The following BRD3 variants were observed in gnomAD, a reference collection of about 807,000 sequenced individuals.
The protein encoded by BRD3 is bromodomain containing 3.
Under a neutral mutation model 66.8 loss-of-function variants are expected in BRD3, and 17 were observed. The observed-to-expected ratio is 0.25, with a 90% CI of 0.17 to 0.38. The LOEUF is 0.38. Ranked by LOEUF, BRD3 falls within the 10% of genes least tolerant of loss-of-function variation. The pLI, the probability that BRD3 is intolerant of heterozygous loss-of-function variation, is 1.00. For missense variants in BRD3, 713 were observed against 956.1 expected (o/e 0.75, Z 3.35); for synonymous variants, 421 against 393.2 (o/e 1.07, Z -0.84).
chr9:134,041,402 A>G (rs971705474), intron 8 of BRD3, among the ~76,000 whole-genome samples: 2 of 152,116 alleles, frequency 1.3e-5, no homozygotes, highest in African/African-American at 4.8e-5. Context: ...CCCCACTGCA[A>G]GTGACTGCTT....
chr9:134,058,685 C>T (rs1185522038), intron 1 of BRD3: 3 of 152,288 alleles, frequency 2.0e-5, no homozygotes, highest in African/African-American at 4.8e-5. Flanking sequence ...TCTGAGATGA[C>T]ATCCCAAATC....
At chr9:134,058,211 C>T (rs1323274643) in intron 1 of BRD3, 1 of 152,284 alleles carries the variant, frequency 6.6e-6, no homozygotes, top group African/African-American at 2.4e-5. Flanking sequence ...CAAGGACATT[C>T]TGGGGGCCGG....
chr9:134,035,334 G>A (rs750995606), intron 10 of BRD3, among the ~76,000 whole-genome samples: 1 of 152,164 alleles, frequency 6.6e-6, no homozygotes, highest in East Asian at 1.9e-4. Flanking sequence ...CCAGGAAAAG[G>A]AGCAAGTGAG....
chr9:134,030,963 G>C lies in BRD3; in HGVS notation c.*2627C>G. ...AGTGGGACAATCTAATTGAATCACC[G>C]CAGCCTTCTAATACAGAAGAAACGG... On this transcript the variant is annotated 3_prime_UTR_variant, in exon 12 of 12. Coordinates refer to ENST00000303407, the MANE Select transcript of BRD3 (RefSeq NM_007371.4). 1 of 230,556 alleles carries C rather than the reference G, an allele frequency of 4.3e-6. No individual in the cohort carries two copies. The highest frequency in any genetic ancestry group is 1.8e-4 in the South Asian group (1 of 5,496). 14.3% of individuals were successfully genotyped at this position (230,556 alleles called of 1,614,324 possible). A position where few individuals can be genotyped will look rare whatever the true frequency, so the allele number is the denominator to read the frequency against.
At chr9:134,036,011 C>G (rs758136454) in intron 10 of BRD3, 21 bp downstream of exon 10, 2 of 1,570,192 alleles carry the variant, frequency 1.3e-6, no homozygotes, top group East Asian at 2.2e-5. Context: ...TCAAGCACCA[C>G]GCTCCACGCA....
chr9:134,045,210 A>C lies in BRD3; in HGVS notation c.1215+83T>G. 1 of 1,559,946 alleles carries C rather than the reference A, an allele frequency of 6.4e-7. No individual in the cohort carries two copies. The highest frequency in any genetic ancestry group is 8.7e-7 in the Non-Finnish European group (1 of 1,145,840). ...TAAGGCCTTCCTCGGCTGGACATTC[A>C]CCTGGGCGCTTACCCCACACTGAGG... On this transcript the variant is annotated intron_variant, in intron 7 of 11. Transcript: ENST00000303407. The surrounding 1 kb of genome is among the most constrained non-coding windows in gnomAD (Gnocchi z 4.8).
chr9:134,059,080 G>C (rs1380323764), intron 1 of BRD3, among the ~76,000 whole-genome samples: 1 of 152,252 alleles, frequency 6.6e-6, no homozygotes, highest in Non-Finnish European at 1.5e-5. Context: ...TCTTTCAAAA[G>C]TCCTCATCTT....
At chr9:134,061,628 C>T (rs1460639369) in intron 1 of BRD3, among the ~76,000 whole-genome samples, 1 of 152,206 alleles carries the variant, frequency 6.6e-6, no homozygotes, top group Non-Finnish European at 1.5e-5. Context: ...TGGATGGCCC[C>T]CACTGGGGCA....
rs1187767603 is a variant in BRD3, at chr9:134,032,327, T to C, written c.*1263A>G. The C allele has an allele frequency of 9.2e-6, 2 of 217,792 alleles. No homozygotes were observed. The highest frequency in any genetic ancestry group is 4.6e-5 in the African/African-American group (2 of 43,780). The allele number at this position is 217,792 out of a possible 1,614,324, so 13.5% of individuals were successfully genotyped here. On this transcript the variant is annotated 3_prime_UTR_variant, in exon 12 of 12. Transcript: ENST00000303407. ...TGGGGTTCCCTAAATTGATTTCTTT[T>C]AAAACAGTCTTAAAGAGACCAGAAG... is the stretch of plus-strand genomic sequence containing the variant.
At chr9:134,057,600 G>GC (rs1830451919) in intron 1 of BRD3, 1 of 152,246 alleles carries the variant, frequency 6.6e-6, no homozygotes. Flanking sequence ...CTAAGCTGAG[G>GC]CCCCTTCCTC....
intron 9 of BRD3, 22 bp downstream of exon 9, chr9:134,040,012 C>G (rs755335049): frequency 4.5e-6 from 7 of 1,572,052 alleles, no homozygotes; most frequent in Admixed American, 1.8e-5. Context: ...GCTCTTGGAG[C>G]CCGAGCAGGT....
intron 9 of BRD3, among the ~76,000 whole-genome samples, chr9:134,037,381 G>A (rs545970849): frequency 1.3e-5 from 2 of 152,284 alleles, no homozygotes; most frequent in African/African-American, 2.4e-5. Flanking sequence ...AGACTAGCCT[G>A]GCCAAATGGT....
At chr9:134,066,574 A>C (rs74874182) in intron 1 of BRD3, among the ~76,000 whole-genome samples, 2,503 of 143,230 alleles carry the variant, frequency 0.017, 66 homozygotes, top group African/African-American at 0.061. Context: ...AAAAAAAAAA[A>C]CCCTCCATTT....
At chr9:134,066,651 T>C (rs1238941812) in intron 1 of BRD3, among the ~76,000 whole-genome samples, 1 of 152,132 alleles carries the variant, frequency 6.6e-6, no homozygotes, top group East Asian at 1.9e-4. Flanking sequence ...TTTCCTCTTC[T>C]GTTCCTTCTC....
At chr9:134,055,210 G>A (rs575546345) in intron 1 of BRD3, among the ~76,000 whole-genome samples, 1 of 152,342 alleles carries the variant, frequency 6.6e-6, no homozygotes, top group South Asian at 2.1e-4. Context: ...TGCCCCGCAA[G>A]GACCGCCTAG....
At chr9:134,046,020 G>A (rs1830157670) in intron 6 of BRD3, among the ~76,000 whole-genome samples, 1 of 152,196 alleles carries the variant, frequency 6.6e-6, no homozygotes, top group Non-Finnish European at 1.5e-5. Context: ...GAGGCAACGG[G>A]GGCGTGTCGG....
intron 4 of BRD3, among the ~76,000 whole-genome samples, chr9:134,051,076 T>C (rs933148703): frequency 5.3e-5 from 8 of 152,176 alleles, no homozygotes; most frequent in East Asian, 1.9e-4. Context: ...GGTGGGATCC[T>C]GGGGCTCACG....
At chr9:134,059,491 C>T (rs912717883) in intron 1 of BRD3, among the ~76,000 whole-genome samples, 7 of 152,082 alleles carry the variant, frequency 4.6e-5, no homozygotes, top group South Asian at 2.1e-4. Flanking sequence ...AGTCTAGACA[C>T]GAGACACACA....
At chr9:134,058,938 G>A (rs984648956) in intron 1 of BRD3, 2 of 152,330 alleles carry the variant, frequency 1.3e-5, no homozygotes, top group African/African-American at 4.8e-5. Context: ...GCAAAGCTGG[G>A]CACTGGAGGC....
Sources: allele counts gnomAD v4.1 joint callset (sites outside exome capture counted in the v4.1 genomes callset), GRCh38; gene constraint gnomAD v4.1.1; non-coding constraint Gnocchi (gnomAD v3.1); transcripts MANE v1.5; gene names NCBI Gene and HGNC (gene_info 2026-07-23, HGNC 2026-07-21).